Variants in MAST4 observed in about 807,000 individuals in gnomAD.
The protein encoded by MAST4 is microtubule associated serine/threonine kinase family member 4.
Under a neutral mutation model 162.7 loss-of-function variants are expected in MAST4, and 89 were observed. That is an observed-to-expected ratio of 0.55 (90% CI 0.46 to 0.65). The LOEUF (loss-of-function observed/expected upper bound fraction) is 0.65. Ranked by LOEUF, MAST4 falls within the 30% of genes least tolerant of loss-of-function variation. The probability of loss-of-function intolerance (pLI) is 0.00; values close to 1 mark genes in which losing one functional copy is unlikely to be tolerated. For synonymous variants in MAST4, 1,479 were observed against 1,361.1 expected (o/e 1.09, Z -1.91); for missense variants, 3,153 against 3,374.0 (o/e 0.93, Z 1.62).
At chr5:66,674,896 A>G (rs1465568027) in intron 1 of MAST4, among the ~76,000 whole-genome samples, 2 of 152,240 alleles carry the variant, frequency 1.3e-5, no homozygotes, top group Non-Finnish European at 2.9e-5. Flanking sequence ...TTAGAAGGAT[A>G]TTGGATAACT....
intron 1 of MAST4, among the ~76,000 whole-genome samples, chr5:66,689,876 G>A (rs1304465313): frequency 6.6e-6 from 1 of 152,120 alleles, no homozygotes; most frequent in East Asian, 1.9e-4. Context: ...TATTTTTTGA[G>A]TATCCTACTA....
chr5:66,602,121 C>G (rs895827204), intron 1 of MAST4, among the ~76,000 whole-genome samples: 5 of 152,200 alleles, frequency 3.3e-5, no homozygotes, highest in African/African-American at 1.2e-4. Flanking sequence ...CTACTTTTCA[C>G]TGCCATACCA....
intron 4 of MAST4, chr5:67,004,616 T>C (rs548543679): frequency 5.4e-5 from 10 of 186,790 alleles, no homozygotes; most frequent in Non-Finnish European, 2.3e-5. Flanking sequence ...GAGTGGTATC[T>C]GCCAAACAGA....
chr5:66,680,912 T>C (rs3857273), intron 1 of MAST4, among the ~76,000 whole-genome samples: 96,921 of 152,132 alleles, frequency 0.64, 31,644 homozygotes, highest in African/African-American at 0.77. Context: ...TTGGGCCTCC[T>C]TGCCACCTGG....
At chr5:66,890,745 A>T in intron 3 of MAST4, among the ~76,000 whole-genome samples, 1 of 152,198 alleles carries the variant, frequency 6.6e-6, no homozygotes, top group East Asian at 1.9e-4. Flanking sequence ...TGGTGATGAA[A>T]AATAATTAAC....
chr5:67,002,436 C>T (rs538568271), intron 4 of MAST4, among the ~76,000 whole-genome samples: 21 of 152,238 alleles, frequency 1.4e-4, no homozygotes, highest in African/African-American at 4.8e-4. Context: ...ATATGAAGAT[C>T]AGTAAAATGT....
At chr5:66,635,140 C>A (rs760403304) in intron 1 of MAST4, among the ~76,000 whole-genome samples, 97 of 152,220 alleles carry the variant, frequency 6.4e-4, no homozygotes, top group Non-Finnish European at 1.1e-3. Context: ...ATCTTTCTGG[C>A]TTAAAACAGC....
intron 3 of MAST4, among the ~76,000 whole-genome samples, chr5:66,829,280 C>T (rs578236533): frequency 6.6e-4 from 101 of 152,116 alleles, no homozygotes; most frequent in Non-Finnish European, 1.2e-3. Flanking sequence ...GATCAACCTC[C>T]GCTCGGCGGC....
chr5:67,054,757 CA>C (rs559052082), intron 5 of MAST4, among the ~76,000 whole-genome samples: 3 of 152,208 alleles, frequency 2.0e-5, no homozygotes, highest in African/African-American at 7.2e-5. Flanking sequence ...CTGGATGATA[CA>C]AGACATGGTT....
At chr5:66,834,848 T>C (rs1757851898) in intron 3 of MAST4, among the ~76,000 whole-genome samples, 1 of 152,172 alleles carries the variant, frequency 6.6e-6, no homozygotes, top group Non-Finnish European at 1.5e-5. Context: ...TTTGAATCAA[T>C]AATGCAGGAT....
In MAST4 at chr5:67,114,116, A is replaced by G. The variant is rs1197199451; in HGVS notation, c.1488A>G (p.Leu496=). The change falls in exon 12 of 29, where the codon CTA becomes CTG. Residue 496 remains leucine (L), a synonymous_variant. Coordinates refer to ENST00000403625, the MANE Select transcript of MAST4 (RefSeq NM_001164664.2). ...LEFDPEEFYY[L]LEAAEGHAKE... ...TTGATCCGGAAGAATTTTACTACCTATTGGAAGCAGCAGAAGGCCATGCCA... is the reference window on the plus strand; with the variant it reads ...TTGATCCGGAAGAATTTTACTACCTGTTGGAAGCAGCAGAAGGCCATGCCA... The G allele has an allele frequency of 2.5e-6, 4 of 1,613,820 alleles. No homozygotes were observed. The highest frequency in any genetic ancestry group is 2.7e-5 in the African/African-American group (2 of 75,014).
At chr5:66,869,315 G>A (rs1760757390) in intron 3 of MAST4, among the ~76,000 whole-genome samples, 1 of 152,156 alleles carries the variant, frequency 6.6e-6, no homozygotes, top group African/African-American at 2.4e-5. Flanking sequence ...TTTCTCATGT[G>A]AAAACTCTTG....
chr5:66,606,920 A>G (rs1391623776), intron 1 of MAST4, among the ~76,000 whole-genome samples: 1 of 152,000 alleles, frequency 6.6e-6, no homozygotes, highest in Admixed American at 6.6e-5. Flanking sequence ...ATATGAATTT[A>G]CTCATTTAAA....
chr5:66,918,274 C>G (rs190611318), intron 4 of MAST4, among the ~76,000 whole-genome samples: 1 of 151,900 alleles, frequency 6.6e-6, no homozygotes, highest in Non-Finnish European at 1.5e-5. Context: ...TGAAGTATAC[C>G]CATATCTGGA....
chr5:66,608,862 C>T (rs985170479), intron 1 of MAST4, among the ~76,000 whole-genome samples: 1 of 151,994 alleles, frequency 6.6e-6, no homozygotes, highest in African/African-American at 2.4e-5. Flanking sequence ...AACTTTAGAA[C>T]CTGTGAATTA....
At chr5:66,670,578 A>G (rs920564504) in intron 1 of MAST4, among the ~76,000 whole-genome samples, 9 of 152,138 alleles carry the variant, frequency 5.9e-5, no homozygotes, top group African/African-American at 2.2e-4. Flanking sequence ...AAAACTTTTT[A>G]ATTGAAGGCA....
Position 67,145,225 on chromosome 5 carries a change from T to C in MAST4, c.2940T>C (p.Ala980=). 1 of 1,613,778 alleles carries C rather than the reference T, an allele frequency of 6.2e-7. No homozygotes were observed. Among genetic ancestry groups the C allele is most frequent in the East Asian group, 2.2e-5 (1 of 44,876 alleles). ...GTTCTGGCCTACTTCCCAAACTGGC[T>C]ATTTCAACAGAGGGAGAGCAAGATG... The part of the protein sequence containing the change: ...KLSSGLLPKL[A]ISTEGEQDEA... Residue 980 remains alanine (A), a synonymous_variant, in exon 23 of 29, where the codon GCT becomes GCC. Transcript: ENST00000403625.
chr5:66,775,791 C>T (rs1306782982), intron 2 of MAST4, among the ~76,000 whole-genome samples: 1 of 151,980 alleles, frequency 6.6e-6, no homozygotes, highest in African/African-American at 2.4e-5. Flanking sequence ...AAGTAGGGAC[C>T]TTTAACAAAT....
chr5:67,053,167 C>A (rs892915834), intron 4 of MAST4, among the ~76,000 whole-genome samples: 1 of 152,130 alleles, frequency 6.6e-6, no homozygotes, highest in African/African-American at 2.4e-5. Context: ...TAAAGTGATG[C>A]AGCCTGACCT....
Sources: gnomAD v4.1 joint callset for allele counts (sites outside exome capture counted in the v4.1 genomes callset) on GRCh38, gnomAD v4.1.1 for gene constraint, MANE v1.5 for transcripts, NCBI Gene and HGNC (gene_info 2026-07-23, HGNC 2026-07-21) for gene names.